The following NOX4 variants were observed in gnomAD, a reference collection of about 807,000 sequenced individuals.
NOX4 encodes kidney oxidase-1.
In NOX4, 69 loss-of-function variants were observed where a neutral mutation model predicts 87.6. That is an observed-to-expected ratio of 0.79 (90% CI 0.65 to 0.96). NOX4 has a LOEUF of 0.96. NOX4 is among the 40% of genes least tolerant of loss of function. The probability of loss-of-function intolerance (pLI) is 0.00; values close to 1 mark genes in which losing one functional copy is unlikely to be tolerated. For synonymous variants in NOX4, 275 were observed against 238.2 expected, an observed-to-expected ratio of 1.15 and a Z score of -1.42; for missense variants, 680 against 681.5, an observed-to-expected ratio of 1.00 and a Z score of 0.02.
chr11:89,514,960 A>C, the NOX4 span, among the ~76,000 whole-genome samples: 4 of 152,062 alleles, frequency 2.6e-5, no homozygotes, highest in South Asian at 8.3e-4. Flanking sequence ...TTTATTGCTG[A>C]GTATTATTCC....
At chr11:89,550,478 G>C in the NOX4 span, among the ~76,000 whole-genome samples, 9 of 152,106 alleles carry the variant, frequency 5.9e-5, no homozygotes, top group Admixed American at 3.3e-4. Flanking sequence ...AAGCCATAAT[G>C]GTACCTATTC....
chr11:89,402,540 C>A lies in NOX4; in HGVS notation c.632G>T (p.Gly211Val). The part of the protein sequence containing the change: ...YMLLTLHVSG[G>V]LLKYQTNLDT... ...TAAATTAGTTTGATACTTCAGCAGC[C>A]CTCTAAAATTACATTTAAAACAAAC... Residue 211 changes from glycine to valine, a missense_variant and splice_region_variant, in exon 9 of 18, where the codon GGG becomes GTG. Coordinates refer to ENST00000263317, the MANE Select transcript of NOX4 (RefSeq NM_016931.5). The A allele has an allele frequency of 1.2e-6, 2 of 1,606,630 alleles. No homozygotes were observed. The highest frequency in any genetic ancestry group is 1.7e-6 in the Non-Finnish European group (2 of 1,174,564).
intron 11 of NOX4, among the ~76,000 whole-genome samples, chr11:89,399,693 G>A (rs1941710497): frequency 6.6e-6 from 1 of 150,610 alleles, no homozygotes. Flanking sequence ...TTGAAATCCG[G>A]GGCTCAAGTG....
At chr11:89,372,623 G>C (rs1172572507) in intron 12 of NOX4, among the ~76,000 whole-genome samples, 2 of 151,832 alleles carry the variant, frequency 1.3e-5, no homozygotes, top group African/African-American at 2.4e-5. Flanking sequence ...TCTTTTCTGT[G>C]AAGCTTCTCT....
At chr11:89,502,223 T>C (rs1299674800), upstream of NOX4, among the ~76,000 whole-genome samples, 1 of 151,964 alleles carries the variant, frequency 6.6e-6, no homozygotes, top group African/African-American at 2.4e-5. Flanking sequence ...TTGTTATTAA[T>C]TATCCCCTAG....
chr11:89,486,620 A>ATGTGTATATATACATATATATG (rs1946625265), intron 2 of NOX4, among the ~76,000 whole-genome samples: 3 of 124,124 alleles, frequency 2.4e-5, no homozygotes, highest in Admixed American at 2.4e-4. Flanking sequence ...GTGTGTATAT[A>ATGTGTATATATACATATATATG]TGTGTATATA....
chr11:89,433,559 T>C (rs1943922938), intron 6 of NOX4, among the ~76,000 whole-genome samples: 1 of 152,070 alleles, frequency 6.6e-6, no homozygotes, highest in East Asian at 1.9e-4. Context: ...TAACTGCTTT[T>C]AGGCTTCACT....
chr11:89,490,539 G>A lies in NOX4; in HGVS notation c.72C>T (p.Ser24=). 1 of 1,613,762 alleles carries A rather than the reference G, an allele frequency of 6.2e-7. No individual in the cohort carries two copies. The highest frequency in any genetic ancestry group is 8.5e-7 in the Non-Finnish European group (1 of 1,179,752). The change falls in exon 2 of 18, where the codon TCC becomes TCT. Residue 24 remains serine, a synonymous_variant. Transcript: ENST00000263317. The part of the protein sequence containing the change: ...VKHLCLFIWL[S]MNVLLFWKTF... ...TTTTCCAGAAAAGCAGGACATTCAT[G>A]GAGAGCCAGATGAACTAAACCAATC...
In NOX4 at chr11:89,490,739, C is replaced by A. The variant is rs1028579637; in HGVS notation, c.58-186G>T. 4.3e-6 allele frequency: 3 copies of A among 700,916 alleles called. No homozygotes were observed. The African/African-American group carries it at 5.3e-5, about 12-fold the overall frequency. 43.4% of individuals were successfully genotyped at this position (700,916 alleles called of 1,614,324 possible). A position where few individuals can be genotyped will look rare whatever the true frequency, so the allele number is the denominator to read the frequency against. ...TCAGAGGAAAACAAATCTGACTTTACCCAGCCCTTTCACCTGAGACTAAGC... is the reference window on the plus strand; with the variant it reads ...TCAGAGGAAAACAAATCTGACTTTAACCAGCCCTTTCACCTGAGACTAAGC... On this transcript the variant is annotated intron_variant, in intron 1 of 17. Transcript: ENST00000263317.
In NOX4 at chr11:89,455,439, A is replaced by AT. The variant is rs532141848; in HGVS notation, c.154-3545dup. On this transcript the variant is annotated intron_variant, in intron 2 of 17. Coordinates refer to ENST00000263317, the MANE Select transcript of NOX4 (RefSeq NM_016931.5). Reference sequence around the variant, plus strand: ...AGTAAGTTTTTCAAAAGCAGGATCCATTTTTTACAGCTATGTATCCTCAGC... The same window carrying AT: ...AGTAAGTTTTTCAAAAGCAGGATCCATTTTTTTACAGCTATGTATCCTCAGC... Among the ~76,000 whole-genome samples the AT allele has an allele frequency of 5.7e-4, 86 of 152,050 alleles. No homozygotes were observed. In the East Asian group the frequency reaches 0.015, roughly 27 times the overall value.
At chr11:89,358,867 G>A (rs1324875405) in intron 12 of NOX4, among the ~76,000 whole-genome samples, 1 of 151,730 alleles carries the variant, frequency 6.6e-6, no homozygotes, top group Non-Finnish European at 1.5e-5. Flanking sequence ...AAATGGCACA[G>A]TTATCCAAAT....
chr11:89,390,114 G>A (rs1230327620), intron 11 of NOX4, among the ~76,000 whole-genome samples: 3 of 152,136 alleles, frequency 2.0e-5, no homozygotes, highest in African/African-American at 7.2e-5. Flanking sequence ...ATGTTTGAAA[G>A]CATGCATTTT....
chr11:89,514,257 G>C, the NOX4 span, among the ~76,000 whole-genome samples: 1 of 151,508 alleles, frequency 6.6e-6, no homozygotes, highest in Non-Finnish European at 1.5e-5. Flanking sequence ...TTTTTCTTTT[G>C]AATGCTGTTG....
chr11:89,562,186 C>A, the NOX4 span, among the ~76,000 whole-genome samples: 1 of 152,184 alleles, frequency 6.6e-6, no homozygotes, highest in African/African-American at 2.4e-5. Flanking sequence ...TATAAATATT[C>A]TTCTTTATAA....
intron 12 of NOX4, among the ~76,000 whole-genome samples, chr11:89,357,442 A>G (rs1370379656): frequency 2.0e-5 from 3 of 152,150 alleles, no homozygotes; most frequent in African/African-American, 7.2e-5. Context: ...CATTTCTTTC[A>G]ATCAAATGAC....
chr11:89,338,033 A>C (rs1945795246), intron 15 of NOX4, among the ~76,000 whole-genome samples: 1 of 151,988 alleles, frequency 6.6e-6, no homozygotes, highest in Non-Finnish European at 1.5e-5. Context: ...CACGAGGCAA[A>C]AATATACCTG....
intron 11 of NOX4, among the ~76,000 whole-genome samples, chr11:89,382,877 TC>T (rs1276840370): frequency 6.6e-6 from 1 of 152,012 alleles, no homozygotes; most frequent in Non-Finnish European, 1.5e-5. Context: ...CTCTCCCAAA[TC>T]AGTTAGCATT....
intron 17 of NOX4, among the ~76,000 whole-genome samples, chr11:89,331,584 T>C (rs1452394290): frequency 3.3e-5 from 5 of 151,908 alleles, no homozygotes; most frequent in African/African-American, 1.2e-4. Flanking sequence ...TTGTATAAAC[T>C]TTCTGTCAAC....
At chr11:89,572,413 G>T in the NOX4 span, among the ~76,000 whole-genome samples, 3 of 152,294 alleles carry the variant, frequency 2.0e-5, no homozygotes, top group Non-Finnish European at 4.4e-5. Flanking sequence ...CATTCTGTAT[G>T]ATTTCAGTCC....
Sources: allele counts gnomAD v4.1 joint callset (sites outside exome capture counted in the v4.1 genomes callset), GRCh38; gene constraint gnomAD v4.1.1; transcripts MANE v1.5; gene names NCBI Gene and HGNC (gene_info 2026-07-23, HGNC 2026-07-21).